DIP2C: variants seen among roughly 807,000 people sequenced by gnomAD.
The protein encoded by DIP2C is disco-interacting protein 2 homolog C.
DIP2C carries 33 observed loss-of-function variants against 192.4 expected under a neutral mutation model. The ratio of observed to expected loss-of-function variants is 0.17; its 90% CI spans 0.13 to 0.23. DIP2C has a LOEUF of 0.23. Ranked by LOEUF, DIP2C falls within the 10% of genes least tolerant of loss-of-function variation. The pLI, the probability that DIP2C is intolerant of heterozygous loss-of-function variation, is 1.00. For synonymous variants in DIP2C, 979 were observed against 864.1 expected, an observed-to-expected ratio of 1.13 and a Z score of -2.33; for missense variants, 1,537 against 2,110.1, an observed-to-expected ratio of 0.73 and a Z score of 5.32.
intron 13 of DIP2C, among the ~76,000 whole-genome samples, chr10:389,455 C>G (rs915073042): frequency 3.3e-5 from 5 of 152,168 alleles, no homozygotes; most frequent in African/African-American, 1.2e-4. Flanking sequence ...AAACACATCA[C>G]GAGCACCAAT....
In DIP2C at chr10:296,041, T is replaced by C. The variant is rs527769095; in HGVS notation, c.3987-7620A>G. 2.6e-5 allele frequency among the ~76,000 whole-genome samples: 4 copies of C among 152,390 alleles called. No individual in the cohort carries two copies. In the East Asian group the frequency reaches 7.7e-4, roughly 29 times the overall value. On this transcript the variant is annotated intron_variant, in intron 32 of 36. Transcript: ENST00000280886. ...ATTAGCCCTTTGTCAAATGGGTTGA[T>C]TGCAAAAATTTTCTCCCATTCTGTA...
intron 36 of DIP2C, among the ~76,000 whole-genome samples, chr10:279,026 G>A (rs1467181116): frequency 6.6e-6 from 1 of 152,122 alleles, no homozygotes; most frequent in East Asian, 1.9e-4. Context: ...GAGTAAGTCA[G>A]TTAGGAAAAA....
At chr10:653,490 A>G (rs1806397413) in intron 1 of DIP2C, among the ~76,000 whole-genome samples, 3 of 152,190 alleles carry the variant, frequency 2.0e-5, no homozygotes, top group Admixed American at 2.0e-4. Context: ...CAACATATGC[A>G]TTCCTAGTCC....
intron 1 of DIP2C, among the ~76,000 whole-genome samples, chr10:581,930 TG>T (rs1159516834): frequency 2.0e-5 from 3 of 152,132 alleles, no homozygotes; most frequent in Non-Finnish European, 4.4e-5. Flanking sequence ...ACAATTTTTC[TG>T]GGGGGTGGTT....
chr10:656,335 TCTA>T (rs1337046163), intron 1 of DIP2C, among the ~76,000 whole-genome samples: 6 of 152,274 alleles, frequency 3.9e-5, no homozygotes, highest in African/African-American at 9.6e-5. Flanking sequence ...TATCGAACAC[TCTA>T]CTATTTGTTC....
Position 453,009 on chromosome 10 carries a change from G to A in DIP2C, c.269-12013C>T, listed in dbSNP as rs148888451. On this transcript the variant is annotated intron_variant, in intron 3 of 36. Coordinates refer to ENST00000280886, the MANE Select transcript of DIP2C (RefSeq NM_014974.3). ...AAGGGTATGAGCTGAGAACAAAGACGTTTACAGAGCTCTGCATAAAACCCA... is the reference window on the plus strand; with the variant it reads ...AAGGGTATGAGCTGAGAACAAAGACATTTACAGAGCTCTGCATAAAACCCA... 7.9e-5 allele frequency among the ~76,000 whole-genome samples: 12 copies of A among 152,308 alleles called. No individual in the cohort carries two copies. In the East Asian group the frequency reaches 2.1e-3, roughly 27 times the overall value.
intron 31 of DIP2C, among the ~76,000 whole-genome samples, chr10:310,851 T>C (rs1956537794): frequency 6.6e-6 from 1 of 152,146 alleles, no homozygotes; most frequent in Non-Finnish European, 1.5e-5. Context: ...ACACTCATTT[T>C]TGGGGAAGGC....
intron 1 of DIP2C, among the ~76,000 whole-genome samples, chr10:596,671 A>C (rs764625343): frequency 2.6e-5 from 4 of 152,178 alleles, no homozygotes; most frequent in African/African-American, 4.8e-5. Context: ...CCAAGGAAGG[A>C]AGGCACATAC....
chr10:554,821 A>G (rs1848756981), intron 1 of DIP2C, among the ~76,000 whole-genome samples: 1 of 152,222 alleles, frequency 6.6e-6, no homozygotes, highest in African/African-American at 2.4e-5. Context: ...TGCTCCTGAA[A>G]CCTGGGCACA....
rs1050269141 is a variant in DIP2C at position 636,057 on chromosome 10, C to T, written c.85+53437G>A. On this transcript the variant is annotated intron_variant, in intron 1 of 36. Coordinates refer to ENST00000280886, the MANE Select transcript of DIP2C (RefSeq NM_014974.3). The surrounding 1 kb of genome is among the most constrained non-coding windows in gnomAD (Gnocchi z 4.6). ...AGTGGTTTCTTTAGCCAGTTCTCCA[C>T]ATTCTTAATGACAATCCACACTACA... Among the ~76,000 whole-genome samples the T allele has an allele frequency of 1.3e-5, 2 of 152,250 alleles. No individual in the cohort carries two copies. The highest frequency in any genetic ancestry group is 4.8e-5 in the African/African-American group (2 of 41,472).
intron 1 of DIP2C, among the ~76,000 whole-genome samples, chr10:622,258 G>T (rs1588623741): frequency 7.4e-6 from 1 of 135,246 alleles, no homozygotes; most frequent in East Asian, 2.3e-4. Flanking sequence ...AGAGATGGTA[G>T]GGGGAGGGAG....
chr10:632,825 A>G (rs1411682731), intron 1 of DIP2C, among the ~76,000 whole-genome samples: 1 of 114,152 alleles, frequency 8.8e-6, no homozygotes, highest in African/African-American at 3.6e-5. Flanking sequence ...CACCGGTGTG[A>G]ACCCAGACTC....
At chr10:609,647 TTAACAGGA>T (rs1477995368) in intron 1 of DIP2C, among the ~76,000 whole-genome samples, 1 of 152,212 alleles carries the variant, frequency 6.6e-6, no homozygotes, top group Non-Finnish European at 1.5e-5. Context: ...GTTAGAGTAT[TTAACAGGA>T]TAACTTGTGT....
chr10:687,762 A>G (rs913125991), intron 1 of DIP2C, among the ~76,000 whole-genome samples: 6 of 152,232 alleles, frequency 3.9e-5, no homozygotes, highest in African/African-American at 1.4e-4. Flanking sequence ...AAAGGCCACA[A>G]TGCCCAACAC....
chr10:667,020 A>T (rs892295116), intron 1 of DIP2C: 1 of 152,332 alleles, frequency 6.6e-6, no homozygotes, highest in Non-Finnish European at 1.5e-5. Context: ...TCTGACCTGG[A>T]AAAATGAAAT....
At chr10:445,186 C>G (rs1968058697) in intron 3 of DIP2C, among the ~76,000 whole-genome samples, 1 of 152,208 alleles carries the variant, frequency 6.6e-6, no homozygotes, top group Non-Finnish European at 1.5e-5. Context: ...CATCTGTATA[C>G]ATCTGTTGTG....
At chr10:576,179 A>G (rs971060338) in intron 1 of DIP2C, among the ~76,000 whole-genome samples, 1 of 152,220 alleles carries the variant, frequency 6.6e-6, no homozygotes, top group Non-Finnish European at 1.5e-5. Context: ...TCACATGTCC[A>G]GCATTTATAA....
intron 2 of DIP2C, among the ~76,000 whole-genome samples, chr10:485,274 C>G (rs1475131393): frequency 6.6e-6 from 1 of 152,250 alleles, no homozygotes; most frequent in Non-Finnish European, 1.5e-5. Context: ...GGGGAACTCA[C>G]AGGGACAGGG....
rs1355592344 is a variant in DIP2C at position 594,839 on chromosome 10, G to C, written c.85+94655C>G. 1.3e-5 allele frequency among the ~76,000 whole-genome samples: 2 copies of C among 152,206 alleles called. 1 individual carries two copies. The highest frequency in any genetic ancestry group is 4.8e-5 in the African/African-American group (2 of 41,456). On this transcript the variant is annotated intron_variant, in intron 1 of 36. Coordinates refer to ENST00000280886, the MANE Select transcript of DIP2C (RefSeq NM_014974.3). ...GATCATGTCGAATTTACGACCTGCT[G>C]CTGTGGACACTGCAGGAAATGATGA...
Sources: allele counts gnomAD v4.1 joint callset (sites outside exome capture counted in the v4.1 genomes callset), GRCh38; gene constraint gnomAD v4.1.1; non-coding constraint Gnocchi (gnomAD v3.1); transcripts MANE v1.5; gene names NCBI Gene and HGNC (gene_info 2026-07-23, HGNC 2026-07-21).